Variants in CARM1 observed in about 807,000 individuals in gnomAD.
The protein encoded by CARM1 is coactivator associated arginine methyltransferase 1.
CARM1 carries 14 observed loss-of-function variants against 72.7 expected under a neutral mutation model. That is an observed-to-expected ratio of 0.19 (90% CI 0.13 to 0.30). The LOEUF is 0.30. Among genes scored for constraint, CARM1 ranks in the 10% least tolerant of loss-of-function variants. The pLI is 1.00. For synonymous variants in CARM1, 333 were observed against 345.5 expected (o/e 0.96, Z 0.40); for missense variants, 432 against 833.7 (o/e 0.52, Z 5.93).
chr19:10,910,911 G>A (rs1323963530), intron 4 of CARM1, among the ~76,000 whole-genome samples: 1 of 150,976 alleles, frequency 6.6e-6, no homozygotes, highest in Non-Finnish European at 1.5e-5. Context: ...GGTTTTTTGA[G>A]ACAGATTCTC....
chr19:10,878,925 G>A (rs1326298675), intron 1 of CARM1, among the ~76,000 whole-genome samples: 1 of 151,816 alleles, frequency 6.6e-6, no homozygotes, highest in Admixed American at 6.6e-5. Context: ...TCCTGCCTCA[G>A]CCTCCCAAGT....
chr19:10,914,083 C>T lies in CARM1; in HGVS notation c.847+29C>T, dbSNP rs531298839. ...AGCACTGGGGGGTACACAGGCCAGG[C>T]CCCTCGGTGGAGGCCCTGGCTGCCG... On this transcript the variant is annotated intron_variant, in intron 6 of 15. Transcript: ENST00000327064. 6 of 1,585,144 alleles carry T rather than the reference C, an allele frequency of 3.8e-6. No homozygotes were observed. In the East Asian group the frequency reaches 1.4e-4, roughly 37 times the overall value.
chr19:10,882,204 T>G (rs2073907040), intron 1 of CARM1, among the ~76,000 whole-genome samples: 1 of 152,150 alleles, frequency 6.6e-6, no homozygotes, highest in African/African-American at 2.4e-5. Context: ...AAATAGCGTC[T>G]GGCACTGCAG....
In CARM1 at chr19:10,896,429, C is replaced by T. The variant is rs1599695675; in HGVS notation, c.221-8522C>T. ...CAGCAGCCAGTCCACCAAGAGCTGC[C>T]CTCTTCCCCATCCCCATTGCCTCCT... is the stretch of plus-strand genomic sequence containing the variant. On this transcript the variant is annotated intron_variant, in intron 1 of 15. Transcript: ENST00000327064. This position sits in a 1 kb window ranked among gnomAD's most constrained non-coding sequence, Gnocchi z 5.2. Among the ~76,000 whole-genome samples the T allele has an allele frequency of 6.6e-6, 1 of 152,152 alleles. No homozygotes were observed. The highest frequency in any genetic ancestry group is 2.4e-5 in the African/African-American group (1 of 41,494).
intron 4 of CARM1, among the ~76,000 whole-genome samples, chr19:10,909,676 G>A (rs1312650024): frequency 6.6e-6 from 1 of 152,128 alleles, no homozygotes; most frequent in African/African-American, 2.4e-5. Flanking sequence ...GGCAGAGCTT[G>A]CAGTGAGCTG....
In CARM1 at chr19:10,922,032, G is replaced by C. The variant is rs1405728042; in HGVS notation, c.*275G>C. ...CCTCCTGCCCGCTCTACCCTGACCT[G>C]GGCTTGTCATCTGCTGGAACAGGCG... On this transcript the variant is annotated 3_prime_UTR_variant, in exon 16 of 16. Transcript: ENST00000327064. The C allele has an allele frequency of 3.5e-6, 1 of 285,064 alleles. No homozygotes were observed. The highest frequency in any genetic ancestry group is 2.2e-5 in the African/African-American group (1 of 45,410). The allele number at this position is 285,064 out of a possible 1,614,324, so 17.7% of individuals were successfully genotyped here.
At position 10,915,795 on chromosome 19, in the gene CARM1, C is replaced by T. The variant is rs563928601; in HGVS notation, c.848-612C>T. The stretch of plus-strand genomic sequence containing the variant: ...TCCCTGCCACTGGCCCTGACTCATG[C>T]GTCTACCCTTGAGTCACAGAGGGAG... On this transcript the variant is annotated intron_variant, in intron 6 of 15. Transcript: ENST00000327064. This position sits in a 1 kb window ranked among gnomAD's most constrained non-coding sequence, Gnocchi z 4.6. Among the ~76,000 whole-genome samples the T allele has an allele frequency of 5.9e-5, 9 of 152,252 alleles. No individual in the cohort carries two copies. The East Asian group carries it at 1.2e-3, about 20-fold the overall frequency.
At position 10,908,112 on chromosome 19, in the gene CARM1, G is replaced by A. The variant is rs141502552; in HGVS notation, c.420G>A (p.Arg140=). 2.7e-3 allele frequency: 4,360 copies of A among 1,614,048 alleles called. 100 individuals are homozygous for A. In the South Asian group the frequency reaches 0.042, roughly 16 times the overall value. ...HTLERSVFSE[R]TEESSAVQYF... ...TGGAGCGGTCTGTGTTCAGCGAGCGGACGGAGGAGTCTTCTGCCGTGCAGT... is the reference window on the plus strand; with the variant it reads ...TGGAGCGGTCTGTGTTCAGCGAGCGAACGGAGGAGTCTTCTGCCGTGCAGT... Residue 140 remains arginine, a synonymous_variant, in exon 3 of 16, where the codon CGG becomes CGA. Coordinates refer to ENST00000327064, the MANE Select transcript of CARM1 (RefSeq NM_199141.2).
chr19:10,890,278 T>G (rs1011862316), intron 1 of CARM1, among the ~76,000 whole-genome samples: 16 of 150,996 alleles, frequency 1.1e-4, no homozygotes, highest in Admixed American at 3.3e-4. Flanking sequence ...TGTTTTTTTT[T>G]TTTTTTGAGA....
intron 6 of CARM1, 33 bp downstream of exon 6, chr19:10,914,087 T>C (rs2074175950): frequency 6.4e-7 from 1 of 1,573,844 alleles, no homozygotes; most frequent in Non-Finnish European, 8.6e-7. Flanking sequence ...GCCAGGCCCC[T>C]CGGTGGAGGC....
rs757796662 is a variant in CARM1 at position 10,919,956 on chromosome 19, A to G, written c.1186A>G (p.Ile396Val). The change falls in exon 10 of 16, where the codon ATC becomes GTC. Residue 396 changes from isoleucine (I) to valine (V), a missense_variant. Around this residue, in one of 3 missense-constraint regions of CARM1, gnomAD observed 152 missense variants for 452.8 expected, o/e 0.34. Coordinates refer to ENST00000327064, the MANE Select transcript of CARM1 (RefSeq NM_199141.2). ...GGCTTTCTGGTTTGACGTTGCTTTCATCGGCTCCATGTGAGTGCCGCAGAG... is the reference window on the plus strand; with the variant it reads ...GGCTTTCTGGTTTGACGTTGCTTTCGTCGGCTCCATGTGAGTGCCGCAGAG... ...GLAFWFDVAFIGSIMTVWLST... is the reference protein window; with the variant it reads ...GLAFWFDVAFVGSIMTVWLST... 4 of 1,613,766 alleles carry G rather than the reference A, an allele frequency of 2.5e-6. No individual in the cohort carries two copies. The South Asian group carries it at 3.3e-5, about 13-fold the overall frequency.
chr19:10,887,045 C>T (rs932556007), intron 1 of CARM1, among the ~76,000 whole-genome samples: 9 of 152,146 alleles, frequency 5.9e-5, no homozygotes, highest in Admixed American at 2.0e-4. Context: ...ATGCCCAGCT[C>T]ACTCCCTAAT....
chr19:10,905,198 CAA>C (rs1317681031), intron 2 of CARM1, 122 bp downstream of exon 2: 2 of 1,193,296 alleles, frequency 1.7e-6, no homozygotes, highest in Non-Finnish European at 2.4e-6. Context: ...CCACTGCCCT[CAA>C]AACCACATTC....
chr19:10,920,369 C>T lies in CARM1; in HGVS notation c.1197-67C>T, dbSNP rs1282199302. 2 of 1,553,204 alleles carry T rather than the reference C, an allele frequency of 1.3e-6. No individual in the cohort carries two copies. The highest frequency in any genetic ancestry group is 1.4e-5 in the African/African-American group (1 of 73,474). On this transcript the variant is annotated intron_variant, in intron 10 of 15. Coordinates refer to ENST00000327064, the MANE Select transcript of CARM1 (RefSeq NM_199141.2). The surrounding 1 kb of genome is among the most constrained non-coding windows in gnomAD (Gnocchi z 5.3). ...GCAGGTGCTTGGGGAGGACTCAAGG[C>T]ATACAAGGTGGTGGCTCCAGTGGTG...
At chr19:10,897,854 C>G (rs1245973328) in intron 1 of CARM1, among the ~76,000 whole-genome samples, 1 of 152,044 alleles carries the variant, frequency 6.6e-6, no homozygotes, top group Non-Finnish European at 1.5e-5. Context: ...TCCTGTAATC[C>G]CAGCACTTTG....
intron 1 of CARM1, among the ~76,000 whole-genome samples, chr19:10,890,057 G>T (rs1445800297): frequency 6.6e-6 from 1 of 151,978 alleles, no homozygotes; most frequent in Non-Finnish European, 1.5e-5. Context: ...AGACCAGCGT[G>T]GGCAACATAG....
chr19:10,884,010 T>G (rs985462903), intron 1 of CARM1, among the ~76,000 whole-genome samples: 2 of 129,556 alleles, frequency 1.5e-5, no homozygotes, highest in Non-Finnish European at 3.3e-5. Context: ...AGAGCGAGAC[T>G]CTGTTTTTTT....
intron 1 of CARM1, among the ~76,000 whole-genome samples, chr19:10,888,468 A>C (rs1026405483): frequency 2.6e-5 from 4 of 152,302 alleles, no homozygotes; most frequent in Admixed American, 6.5e-5. Context: ...TTTGAGCACT[A>C]ACCGAGGCCC....
Position 10,896,056 on chromosome 19 carries a change from G to A in CARM1, c.221-8895G>A, listed in dbSNP as rs1277309839. On this transcript the variant is annotated intron_variant, in intron 1 of 15. Coordinates refer to ENST00000327064, the MANE Select transcript of CARM1 (RefSeq NM_199141.2). This position sits in a 1 kb window ranked among gnomAD's most constrained non-coding sequence, Gnocchi z 5.2. The stretch of plus-strand genomic sequence containing the variant: ...CAGACATTGGCAGGGGGCTGGTTCC[G>A]GAAGGTGCTGGGGAACCGTGGGGCG... Among the ~76,000 whole-genome samples the A allele has an allele frequency of 2.0e-5, 3 of 152,124 alleles. No individual in the cohort carries two copies. Among genetic ancestry groups the A allele is most frequent in the African/African-American group, 4.8e-5 (2 of 41,412 alleles).
Sources: allele counts gnomAD v4.1 joint callset (sites outside exome capture counted in the v4.1 genomes callset), GRCh38; gene constraint gnomAD v4.1.1; regional missense constraint gnomAD v4.1.1; non-coding constraint Gnocchi (gnomAD v3.1); transcripts MANE v1.5; gene names NCBI Gene and HGNC (gene_info 2026-07-23, HGNC 2026-07-21).